The following CEP120 variants were observed in gnomAD, a reference collection of about 807,000 sequenced individuals.
CEP120 encodes the protein centrosomal protein 120.
CEP120 carries 113 observed loss-of-function variants against 126.5 expected under a neutral mutation model. The observed-to-expected ratio is 0.89, with a 90% CI of 0.77 to 1.04. CEP120 has a LOEUF of 1.04. Among genes scored for constraint, CEP120 ranks in the 50% least tolerant of loss-of-function variants. The probability of loss-of-function intolerance (pLI) is 0.00; values close to 1 mark genes in which losing one functional copy is unlikely to be tolerated. For synonymous variants in CEP120, 400 were observed against 394.3 expected (o/e 1.01, Z -0.17); for missense variants, 1,230 against 1,155.7 (o/e 1.06, Z -0.93).
chr5:123,406,173 T>TG (rs1297175774), intron 4 of CEP120, among the ~76,000 whole-genome samples: 1 of 70,020 alleles, frequency 1.4e-5, no homozygotes, highest in East Asian at 2.9e-4. Flanking sequence ...GAAAAAAGAC[T>TG]GGGGGAAAAA....
At chr5:123,396,559 C>A (rs1007777127) in intron 5 of CEP120, among the ~76,000 whole-genome samples, 4 of 152,052 alleles carry the variant, frequency 2.6e-5, no homozygotes, top group Non-Finnish European at 5.9e-5. Flanking sequence ...CTTTACCATA[C>A]AAATGTAGCT....
intron 4 of CEP120, chr5:123,403,252 T>TTACCGAAAGGAAGCAGGGCTCTCTA: frequency 4.4e-6 from 2 of 455,380 alleles, no homozygotes; most frequent in South Asian, 3.1e-5. Context: ...AAATCATTCT[T>TTACCGAAAGGAAGCAGGGCTCTCTA]TACCGAAAGG....
At chr5:123,374,177 G>C (rs1771046444) in intron 16 of CEP120, among the ~76,000 whole-genome samples, 1 of 151,918 alleles carries the variant, frequency 6.6e-6, no homozygotes, top group South Asian at 2.1e-4. Flanking sequence ...GTAATTTAAA[G>C]ATTATTTGGT....
chr5:123,400,782 C>G (rs1238261858), intron 4 of CEP120: 2 of 680,118 alleles, frequency 2.9e-6, no homozygotes, highest in East Asian at 5.5e-5. Context: ...GCAGTAAACT[C>G]CCCCGCGGGT....
chr5:123,413,312 A>T (rs188858876), intron 3 of CEP120, among the ~76,000 whole-genome samples: 1 of 151,846 alleles, frequency 6.6e-6, no homozygotes, highest in Non-Finnish European at 1.5e-5. Context: ...TAAGAAAAAG[A>T]AAAAAGAAAA....
intron 19 of CEP120, among the ~76,000 whole-genome samples, chr5:123,348,969 T>C (rs1769016945): frequency 6.6e-6 from 1 of 151,818 alleles, no homozygotes; most frequent in South Asian, 2.1e-4. Flanking sequence ...TCTGTGGTAT[T>C]TTTTTTTAAC....
Position 123,370,773 on chromosome 5 carries a change from T to C in CEP120, c.2481+1877A>G, listed in dbSNP as rs1770803260. On this transcript the variant is annotated intron_variant, in intron 17 of 19. Coordinates refer to ENST00000306467, the MANE Select transcript of CEP120 (RefSeq NM_001375405.1). The stretch of plus-strand genomic sequence containing the variant: ...TAATATATATTTTATATATATATTA[T>C]ATATGTATATTTTTCTACAGAGGCA... 2.0e-5 allele frequency among the ~76,000 whole-genome samples: 3 copies of C among 148,438 alleles called. No homozygotes were observed. In the South Asian group the frequency reaches 6.3e-4, roughly 31 times the overall value.
intron 14 of CEP120, among the ~76,000 whole-genome samples, chr5:123,380,835 T>C (rs1771587453): frequency 6.6e-6 from 1 of 152,126 alleles, no homozygotes. Context: ...GGTCTGTAAA[T>C]ATTACTTAAT....
At chr5:123,376,632 G>C (rs989432931) in intron 16 of CEP120, among the ~76,000 whole-genome samples, 12 of 152,076 alleles carry the variant, frequency 7.9e-5, no homozygotes, top group African/African-American at 2.9e-4. Flanking sequence ...TTTACAGGTA[G>C]AAGGTCAAGT....
intron 15 of CEP120, 78 bp from the exon 16 acceptor site, chr5:123,377,613 T>G: frequency 9.2e-7 from 1 of 1,085,772 alleles, no homozygotes; most frequent in Non-Finnish European, 1.3e-6. Context: ...TATCTTTCTA[T>G]ACACTCAAAT....
chr5:123,407,229 T>C (rs1773753966), intron 4 of CEP120, among the ~76,000 whole-genome samples: 1 of 151,160 alleles, frequency 6.6e-6, no homozygotes, highest in Non-Finnish European at 1.5e-5. Context: ...GAAACAAATA[T>C]AAAACACTAA....
At chr5:123,382,564 G>A (rs1388177455) in intron 13 of CEP120, among the ~76,000 whole-genome samples, 173 bp downstream of exon 13, 1 of 152,058 alleles carries the variant, frequency 6.6e-6, no homozygotes, top group African/African-American at 2.4e-5. Context: ...CTGCCAAGGT[G>A]CCACATTTCA....
intron 1 of CEP120, among the ~76,000 whole-genome samples, chr5:123,418,926 G>A (rs950773905): frequency 6.6e-6 from 1 of 152,124 alleles, no homozygotes; most frequent in Non-Finnish European, 1.5e-5. Flanking sequence ...AAGTGTGGTT[G>A]ACATGCATTC....
At position 123,345,971 on chromosome 5, in the gene CEP120, C is replaced by T. The variant is rs1768784640; in HGVS notation, c.*548G>A. On this transcript the variant is annotated 3_prime_UTR_variant, in exon 20 of 20. Transcript: ENST00000306467. ...GTATTAACTTTATTTAAATAAATGA[C>T]CAATCTGTCACCCAACATGTCATGT... 6.6e-6 allele frequency: 1 copy of T among 152,308 alleles called. No homozygotes were observed. The highest frequency in any genetic ancestry group is 2.4e-5 in the African/African-American group (1 of 41,404). The allele number at this position is 152,308 out of a possible 1,614,324, so 9.4% of individuals were successfully genotyped here.
rs374059490 is a variant in CEP120 at position 123,422,957 on chromosome 5, G to A, written c.42C>T (p.Ile14=). The A allele has an allele frequency of 2.0e-5, 33 of 1,614,032 alleles. No homozygotes were observed. Among genetic ancestry groups the A allele is most frequent in the Non-Finnish European group, 2.7e-5 (32 of 1,180,004 alleles). ...AAGCCTCAGGCTGCTCACCTTCTAG[G>A]ATGGACACGACGATGAGCAATTGGT... ...KSDQLLIVVS[I]LEGRHFPKRP... The change falls in exon 1 of 20, where the codon ATC becomes ATT. Residue 14 remains isoleucine (I), a synonymous_variant. Coordinates refer to ENST00000306467, the MANE Select transcript of CEP120 (RefSeq NM_001375405.1).
At position 123,390,201 on chromosome 5, in the gene CEP120, A is replaced by C; in HGVS notation, c.1039-61T>G. 5.1e-6 allele frequency: 6 copies of C among 1,165,716 alleles called. No homozygotes were observed. In the South Asian group the frequency reaches 8.2e-5, roughly 16 times the overall value. 72.2% of individuals were successfully genotyped at this position (1,165,716 alleles called of 1,614,324 possible). On this transcript the variant is annotated intron_variant, in intron 7 of 19. Coordinates refer to ENST00000306467, the MANE Select transcript of CEP120 (RefSeq NM_001375405.1). ...AGAACTTTCCTTCATAATTAAGCAA[A>C]AAACTTGGCATTGTTTTTTAAAAAT...
In CEP120 at chr5:123,359,737, C is replaced by T. The variant is rs1002245559; in HGVS notation, c.2580+4759G>A. Among the ~76,000 whole-genome samples, 9 of 152,040 alleles carry T rather than the reference C, an allele frequency of 5.9e-5. No homozygotes were observed. In the South Asian group the frequency reaches 1.9e-3, roughly 32 times the overall value. On this transcript the variant is annotated intron_variant, in intron 18 of 19. Transcript: ENST00000306467. ...TCCCAGTTACCAAAGAACAAAAAAGCTTACCACTGGTACGGTTGTGAATCA... is the reference window on the plus strand; with the variant it reads ...TCCCAGTTACCAAAGAACAAAAAAGTTTACCACTGGTACGGTTGTGAATCA...
rs1458768894 is a variant in CEP120, at chr5:123,391,463, T to C, written c.811-126A>G. 4 of 658,954 alleles carry C rather than the reference T, an allele frequency of 6.1e-6. No homozygotes were observed. The Admixed American group carries it at 1.2e-4, about 20-fold the overall frequency. The allele number at this position is 658,954 out of a possible 1,614,324, so 40.8% of individuals were successfully genotyped here. A position where few individuals can be genotyped will look rare whatever the true frequency, so the allele number is the denominator to read the frequency against. ...AAATATTATGCAGGTTATACCTCATTGACCTCAAGTGACGAAGTAATGAAT... is the reference window on the plus strand; with the variant it reads ...AAATATTATGCAGGTTATACCTCATCGACCTCAAGTGACGAAGTAATGAAT... On this transcript the variant is annotated intron_variant, in intron 6 of 19. Coordinates refer to ENST00000306467, the MANE Select transcript of CEP120 (RefSeq NM_001375405.1).
At chr5:123,362,951 A>G (rs1255633854) in intron 18 of CEP120, among the ~76,000 whole-genome samples, 1 of 151,518 alleles carries the variant, frequency 6.6e-6, no homozygotes, top group East Asian at 1.9e-4. Flanking sequence ...TATTTCCAAA[A>G]CTGGACCAGA....
Sources: allele counts gnomAD v4.1 joint callset (sites outside exome capture counted in the v4.1 genomes callset), GRCh38; gene constraint gnomAD v4.1.1; transcripts MANE v1.5; gene names NCBI Gene and HGNC (gene_info 2026-07-23, HGNC 2026-07-21).